PDE12: variants seen among roughly 807,000 people sequenced by gnomAD.
PDE12 encodes 2',5'-phosphodiesterase 12.
Under a neutral mutation model 45.4 loss-of-function variants are expected in PDE12, and 26 were observed. The observed-to-expected ratio is 0.57, with a 90% CI of 0.42 to 0.79. The LOEUF (loss-of-function observed/expected upper bound fraction) is 0.79. Ranked by LOEUF, PDE12 falls within the 30% of genes least tolerant of loss-of-function variation. The pLI, the probability that PDE12 is intolerant of heterozygous loss-of-function variation, is 0.00. For missense variants in PDE12, 668 were observed against 790.0 expected (o/e 0.85, Z 1.85); for synonymous variants, 283 against 323.9 (o/e 0.87, Z 1.36).
At chr3:57,572,915 T>C in the PDE12 span, among the ~76,000 whole-genome samples, 2 of 151,444 alleles carry the variant, frequency 1.3e-5, no homozygotes, top group East Asian at 3.9e-4. Context: ...AGAGTAGGGT[T>C]TGTTAGGCCG....
the PDE12 span, chr3:57,596,717 G>A: frequency 1.5e-5 from 4 of 264,022 alleles, no homozygotes; most frequent in Non-Finnish European, 2.3e-5. Flanking sequence ...GGGCAAGAAG[G>A]TATGCAGATC....
rs754249072 is a variant in PDE12, at chr3:57,559,614, T to G, written c.1440T>G (p.His480Gln). 3.7e-6 allele frequency: 6 copies of G among 1,613,552 alleles called. No homozygotes were observed. The African/African-American group carries it at 8.0e-5, about 22-fold the overall frequency. The change falls in exon 3 of 3, where the codon CAT (histidine) becomes CAG (glutamine). Residue 480 changes from histidine (H) to glutamine (Q), a missense_variant. By Grantham distance (24) the His-to-Gln change is conservative. Transcript: ENST00000311180. Reference protein sequence around the residue: ...QMAVALAHIRHVSCDLYPGIP... With the variant: ...QMAVALAHIRQVSCDLYPGIP... ...CAGTAGCCTTGGCTCACATAAGACA[T>G]GTTTCATGTGATCTGTATCCTGGCA...
chr3:57,596,098 A>T, the PDE12 span, among the ~76,000 whole-genome samples: 1 of 152,212 alleles, frequency 6.6e-6, no homozygotes, highest in Non-Finnish European at 1.5e-5. Context: ...GACTGCTTAC[A>T]GTAACCGGGA....
chr3:57,630,401 C>T, the PDE12 span: 1 of 1,563,228 alleles, frequency 6.4e-7, no homozygotes, highest in South Asian at 1.2e-5. Context: ...AATCATTACA[C>T]AAACACACAG....
chr3:57,589,820 C>A, the PDE12 span, among the ~76,000 whole-genome samples: 1 of 151,910 alleles, frequency 6.6e-6, no homozygotes, highest in Admixed American at 6.6e-5. Flanking sequence ...CAGCCGGGCA[C>A]GGTGGCTCAC....
rs2069726054 is a variant in PDE12 at position 57,561,360 on chromosome 3, TA to T, written c.*1362del. 6 of 984,886 alleles carry T rather than the reference TA, an allele frequency of 6.1e-6. No individual in the cohort carries two copies. Among genetic ancestry groups the T allele is most frequent in the Non-Finnish European group, 7.2e-6 (6 of 829,128 alleles). 61.0% of individuals were successfully genotyped at this position (984,886 alleles called of 1,614,324 possible). A position where few individuals can be genotyped will look rare whatever the true frequency, so the allele number is the denominator to read the frequency against. On this transcript the variant is annotated 3_prime_UTR_variant, in exon 3 of 3. Transcript: ENST00000311180. ...GTGGGACTTTTAAGCATCTCTGAAATAAAAAACTTCTTTTTACAGACAAGCA... is the reference window on the plus strand; with the variant it reads ...GTGGGACTTTTAAGCATCTCTGAAATAAAAACTTCTTTTTACAGACAAGCA...
At chr3:57,639,421 A>C in the PDE12 span, among the ~76,000 whole-genome samples, 1 of 152,238 alleles carries the variant, frequency 6.6e-6, no homozygotes, top group South Asian at 2.1e-4. Flanking sequence ...TTATCTACCT[A>C]CATCTAGCAG....
the PDE12 span, among the ~76,000 whole-genome samples, chr3:57,618,926 T>C: frequency 2.6e-5 from 4 of 152,136 alleles, no homozygotes; most frequent in Admixed American, 2.6e-4. Flanking sequence ...TGTTTGTCAA[T>C]ATATTTGTTA....
chr3:57,565,727 C>G lies in PDE12; in HGVS notation c.*5723C>G, dbSNP rs568468852. ...CTGAGGCAGGAGAATCACTTGAACC[C>G]GGGAGGCAGAGGTTGCAGTGAGCCG... is the stretch of plus-strand genomic sequence containing the variant. On this transcript the variant is annotated 3_prime_UTR_variant, in exon 3 of 3. Transcript: ENST00000311180. 6.6e-6 allele frequency: 1 copy of G among 152,378 alleles called. No homozygotes were observed. Among genetic ancestry groups the G allele is most frequent in the East Asian group, 1.9e-4 (1 of 5,180 alleles). 9.4% of individuals were successfully genotyped at this position (152,378 alleles called of 1,614,324 possible).
At chr3:57,624,261 C>T in the PDE12 span, among the ~76,000 whole-genome samples, 11 of 152,162 alleles carry the variant, frequency 7.2e-5, no homozygotes, top group African/African-American at 2.6e-4. Flanking sequence ...CACCATTCTC[C>T]TGCCTCAGCC....
At chr3:57,570,880 A>C (rs566156930), downstream of PDE12, among the ~76,000 whole-genome samples, 228 of 152,314 alleles carry the variant, frequency 1.5e-3, 1 homozygote, top group African/African-American at 5.1e-3. Context: ...TTAACTAAAA[A>C]ACACATACAT....
the PDE12 span, among the ~76,000 whole-genome samples, chr3:57,618,480 G>A: frequency 1.3e-5 from 2 of 151,424 alleles, no homozygotes; most frequent in African/African-American, 4.9e-5. Flanking sequence ...TTGAGTGCAT[G>A]GTACGGTGAT....
At chr3:57,573,773 A>T in the PDE12 span, among the ~76,000 whole-genome samples, 42 of 151,964 alleles carry the variant, frequency 2.8e-4, no homozygotes, top group Non-Finnish European at 5.0e-4. Context: ...GTAGAGACAG[A>T]GTTTTACCAT....
the PDE12 span, among the ~76,000 whole-genome samples, chr3:57,623,255 CAACA>C: frequency 2.0e-4 from 30 of 151,824 alleles, no homozygotes; most frequent in Admixed American, 3.3e-4. Context: ...TACAAAACAA[CAACA>C]AACAAACAAA....
chr3:57,589,319 G>A, the PDE12 span, among the ~76,000 whole-genome samples: 2 of 151,336 alleles, frequency 1.3e-5, no homozygotes, highest in Non-Finnish European at 3.0e-5. Flanking sequence ...TCCCAGCTAC[G>A]TGGGAGGCTG....
At chr3:57,628,077 T>G in the PDE12 span, 1 of 1,278,398 alleles carries the variant, frequency 7.8e-7, no homozygotes, top group African/African-American at 1.5e-5. Flanking sequence ...TACAATACAG[T>G]CTTTCTACCC....
the PDE12 span, among the ~76,000 whole-genome samples, chr3:57,651,905 G>A: frequency 6.6e-6 from 1 of 152,048 alleles, no homozygotes; most frequent in African/African-American, 2.4e-5. Context: ...TAAAAATAGT[G>A]TGGTGATTTA....
chr3:57,584,346 A>T, the PDE12 span: 1 of 1,454,400 alleles, frequency 6.9e-7, no homozygotes, highest in Non-Finnish European at 9.6e-7. Flanking sequence ...TCACTTTACA[A>T]CATATCATGA....
chr3:57,576,553 C>A, the PDE12 span, among the ~76,000 whole-genome samples: 1 of 128,660 alleles, frequency 7.8e-6, no homozygotes, highest in South Asian at 2.5e-4. Context: ...TGACATTTGA[C>A]TCAGGCAAAA....
Sources: gnomAD v4.1 joint callset for allele counts (sites outside exome capture counted in the v4.1 genomes callset) on GRCh38, gnomAD v4.1.1 for gene constraint, MANE v1.5 for transcripts, NCBI Gene and HGNC (gene_info 2026-07-23, HGNC 2026-07-21) for gene names.